The following PTPRT variants were observed in gnomAD, a reference collection of about 807,000 sequenced individuals.
PTPRT encodes the protein protein tyrosine phosphatase receptor type T.
In PTPRT, 56 loss-of-function variants were observed where a neutral mutation model predicts 176.8. The ratio of observed to expected loss-of-function variants is 0.32; its 90% CI spans 0.26 to 0.40. The LOEUF is 0.40. Ranked by LOEUF, PTPRT falls within the 10% of genes least tolerant of loss-of-function variation. The pLI is 1.00. For synonymous variants in PTPRT, 783 were observed against 739.0 expected (o/e 1.06, Z -0.96); for missense variants, 1,540 against 1,908.2 (o/e 0.81, Z 3.60).
chr20:42,099,806 C>T lies in PTPRT; in HGVS notation c.3715-1254G>A, dbSNP rs368120115. On this transcript the variant is annotated intron_variant, in intron 26 of 30. Transcript: ENST00000373187. ...AAGCCTTGCAAACATGGATATCATGCGTGCATTGGCTGGGGGGGCCCTTCT... is the reference window on the plus strand; with the variant it reads ...AAGCCTTGCAAACATGGATATCATGTGTGCATTGGCTGGGGGGGCCCTTCT... Among the ~76,000 whole-genome samples, 42 of 128,742 alleles carry T rather than the reference C, an allele frequency of 3.3e-4. No homozygotes were observed. In the East Asian group the frequency reaches 4.4e-3, roughly 13 times the overall value. The allele number at this position is 128,742 out of a possible 152,430, so 84.5% of individuals were successfully genotyped here. A position where few individuals can be genotyped will look rare whatever the true frequency, so the allele number is the denominator to read the frequency against.
chr20:42,570,549 C>A (rs187349883), intron 7 of PTPRT, among the ~76,000 whole-genome samples: 84 of 152,276 alleles, frequency 5.5e-4, no homozygotes, highest in African/African-American at 2.0e-3. Context: ...GCCATTTACT[C>A]CTACATTTAG....
chr20:42,852,706 A>T lies in PTPRT; in HGVS notation c.214+33101T>A, dbSNP rs571828648. 2.8e-4 allele frequency among the ~76,000 whole-genome samples: 43 copies of T among 152,278 alleles called. 1 individual carries two copies. The highest frequency in any genetic ancestry group is 3.4e-3 in the Middle Eastern group (1 of 294). ...CTGTTCCCCACCAAGCCCAGCCTAG[A>T]TACCTCCTCTATTTCACAAACCCTC... On this transcript the variant is annotated intron_variant, in intron 2 of 30. Transcript: ENST00000373187.
intron 6 of PTPRT, among the ~76,000 whole-genome samples, chr20:42,755,010 A>G (rs1484729175): frequency 6.6e-6 from 1 of 152,228 alleles, no homozygotes; most frequent in Non-Finnish European, 1.5e-5. Flanking sequence ...AAAAGTCACC[A>G]AGTAAACAAA....
chr20:42,280,951 C>A (rs1435663138), intron 13 of PTPRT, among the ~76,000 whole-genome samples: 1 of 152,098 alleles, frequency 6.6e-6, no homozygotes, highest in Admixed American at 6.6e-5. Context: ...TCCCACCTAC[C>A]CCATGGAGTG....
intron 22 of PTPRT, among the ~76,000 whole-genome samples, chr20:42,110,689 T>A (rs1313861957): frequency 6.6e-6 from 1 of 152,212 alleles, no homozygotes. Context: ...ACGAAACCGA[T>A]GGCTTTATTG....
chr20:42,897,188 C>T (rs547573557), intron 1 of PTPRT, among the ~76,000 whole-genome samples: 63 of 152,116 alleles, frequency 4.1e-4, no homozygotes, highest in African/African-American at 1.4e-3. Context: ...AACAATACTC[C>T]TAATATAAAA....
rs1445985220 is a variant in PTPRT at position 42,076,359 on chromosome 20, A to G, written c.*4520T>C. ...GACAACAGGCACCACTTTCCAGCCTAGCATTCAGGAATCTGCTGAGTACAG... is the reference window on the plus strand; with the variant it reads ...GACAACAGGCACCACTTTCCAGCCTGGCATTCAGGAATCTGCTGAGTACAG... On this transcript the variant is annotated 3_prime_UTR_variant, in exon 31 of 31. Transcript: ENST00000373187. The G allele has an allele frequency of 5.1e-6, 1 of 196,922 alleles. No homozygotes were observed. The highest frequency in any genetic ancestry group is 1.1e-5 in the Non-Finnish European group (1 of 95,054). 12.2% of individuals were successfully genotyped at this position (196,922 alleles called of 1,614,324 possible).
At chr20:42,532,711 CT>C (rs1247759493) in intron 7 of PTPRT, among the ~76,000 whole-genome samples, 1 of 152,164 alleles carries the variant, frequency 6.6e-6, no homozygotes, top group East Asian at 1.9e-4. Flanking sequence ...GCATTTGCTT[CT>C]TTGTGTCACA....
At chr20:42,120,100 C>A in intron 19 of PTPRT, 129 bp from the exon 20 acceptor site, 1 of 751,110 alleles carries the variant, frequency 1.3e-6, no homozygotes. Flanking sequence ...CAGTTATTCC[C>A]AGAGAAGTGG....
chr20:42,117,371 G>A (rs1172218034), intron 21 of PTPRT, among the ~76,000 whole-genome samples: 1 of 152,164 alleles, frequency 6.6e-6, no homozygotes, highest in Non-Finnish European at 1.5e-5. Flanking sequence ...TCTCGTGTTT[G>A]TACACCTTGC....
intron 8 of PTPRT, among the ~76,000 whole-genome samples, chr20:42,454,831 T>G (rs1247013385): frequency 6.6e-6 from 1 of 152,238 alleles, no homozygotes; most frequent in Non-Finnish European, 1.5e-5. Flanking sequence ...GTTGATGGCC[T>G]GCCTATATCC....
At chr20:42,564,179 C>A (rs752120558) in intron 7 of PTPRT, among the ~76,000 whole-genome samples, 61 of 152,152 alleles carry the variant, frequency 4.0e-4, no homozygotes, top group Non-Finnish European at 6.5e-4. Flanking sequence ...ACCCAGCAAC[C>A]GCCTAGTCTC....
downstream of PTPRT, among the ~76,000 whole-genome samples, chr20:42,070,473 T>G (rs149757041): frequency 1.1e-3 from 166 of 152,028 alleles, no homozygotes; most frequent in African/African-American, 3.9e-3. Context: ...GGGATGTCCC[T>G]CTCTGCTAAC....
rs1394618677 is a variant in PTPRT, at chr20:43,090,329, GCC to G, written c.88+99315_88+99316del. 4.3e-3 allele frequency among the ~76,000 whole-genome samples: 654 copies of G among 150,798 alleles called. 1 individual carries two copies. Among genetic ancestry groups the G allele is most frequent in the Non-Finnish European group, 7.5e-3 (510 of 67,792 alleles). ...GTCGCCCAGGCTGGAGTGCAGTGGC[GCC>G]ATCTCAGCTCACTGCAAGCTCCGCC... On this transcript the variant is annotated intron_variant, in intron 1 of 30. Coordinates refer to ENST00000373187, the MANE Select transcript of PTPRT (RefSeq NM_007050.6).
chr20:42,493,601 A>G (rs964688020), intron 7 of PTPRT, among the ~76,000 whole-genome samples: 3 of 152,050 alleles, frequency 2.0e-5, no homozygotes, highest in African/African-American at 7.2e-5. Context: ...ACCAGGGCCT[A>G]AGGTCCTAAT....
chr20:42,462,742 C>G (rs1404798735), intron 8 of PTPRT, among the ~76,000 whole-genome samples: 1 of 151,964 alleles, frequency 6.6e-6, no homozygotes, highest in African/African-American at 2.4e-5. Flanking sequence ...TCCTGAACAC[C>G]CTGAAATAAA....
At chr20:42,757,407 C>T (rs1329807313) in intron 5 of PTPRT, among the ~76,000 whole-genome samples, 2 of 152,224 alleles carry the variant, frequency 1.3e-5, no homozygotes, top group African/African-American at 4.8e-5. Flanking sequence ...CTCTGAGCCC[C>T]ACCTGCCCTA....
chr20:42,288,219 C>T (rs183582004), intron 12 of PTPRT, among the ~76,000 whole-genome samples: 7 of 152,116 alleles, frequency 4.6e-5, no homozygotes, highest in Non-Finnish European at 8.8e-5. Flanking sequence ...ATTGCCAGCA[C>T]CTCAGAAGTT....
chr20:42,750,053 G>A (rs992249215), intron 6 of PTPRT, among the ~76,000 whole-genome samples: 1 of 152,190 alleles, frequency 6.6e-6, no homozygotes, highest in Admixed American at 6.5e-5. Context: ...ACAGTACAAT[G>A]TAAGTAAAGC....
Sources: gnomAD v4.1 joint callset for allele counts (sites outside exome capture counted in the v4.1 genomes callset) on GRCh38, gnomAD v4.1.1 for gene constraint, MANE v1.5 for transcripts, NCBI Gene and HGNC (gene_info 2026-07-23, HGNC 2026-07-21) for gene names.